Variants in RBFOX1 observed in about 807,000 individuals in gnomAD.
RBFOX1 encodes the protein RNA binding protein fox-1 homolog 1.
Under a neutral mutation model 57.7 loss-of-function variants are expected in RBFOX1, and 8 were observed. That is an observed-to-expected ratio of 0.14 (90% CI 0.08 to 0.25). RBFOX1 has a LOEUF of 0.25. Ranked by LOEUF, RBFOX1 falls within the 10% of genes least tolerant of loss-of-function variation. The pLI is 1.00. For missense variants in RBFOX1, 611 were observed against 548.5 expected, an observed-to-expected ratio of 1.11 and a Z score of -1.14; for synonymous variants, 326 against 222.4, an observed-to-expected ratio of 1.47 and a Z score of -4.15.
At chr16:6,806,188 G>C (rs910473436) in intron 3 of RBFOX1, among the ~76,000 whole-genome samples, 4 of 152,102 alleles carry the variant, frequency 2.6e-5, no homozygotes, top group Non-Finnish European at 5.9e-5. Context: ...CACAATATAA[G>C]AGAAAAATTA....
rs1204208973 is a variant in RBFOX1, at chr16:7,155,698, C to CAAAAA, written c.27+103611_27+103615dup. ...TTGCCTTCCTCCCTTCTCCTCCCAC[C>CAAAAA]AAAAAAAAAAAAAAATATATATATA... On this transcript the variant is annotated intron_variant, in intron 4 of 15. Coordinates refer to ENST00000550418, the MANE Select transcript of RBFOX1 (RefSeq NM_018723.4). 2.1e-3 allele frequency among the ~76,000 whole-genome samples: 51 copies of CAAAAA among 24,398 alleles called. 8 individuals carry two copies. The highest frequency in any genetic ancestry group is 0.015 in the African/African-American group (46 of 3,046). 16.0% of individuals were successfully genotyped at this position (24,398 alleles called of 152,430 possible).
intron 2 of RBFOX1, among the ~76,000 whole-genome samples, chr16:6,375,870 T>G (rs967888766): frequency 4.6e-5 from 7 of 152,144 alleles, no homozygotes; most frequent in Non-Finnish European, 4.4e-5. Flanking sequence ...ACTCCCTTCT[T>G]GGCCAGGACC....
intron 2 of RBFOX1, among the ~76,000 whole-genome samples, chr16:5,472,389 C>G (rs3859163): frequency 0.27 from 41,689 of 151,978 alleles, 5,941 homozygotes; most frequent in African/African-American, 0.35. Flanking sequence ...ATTATTAAAC[C>G]CATTTGCAGC....
intron 4 of RBFOX1, among the ~76,000 whole-genome samples, chr16:7,391,850 C>T (rs12446442): frequency 0.054 from 8,227 of 152,200 alleles, 262 homozygotes; most frequent in South Asian, 0.093. Flanking sequence ...CACAACCAGC[C>T]TGTCCAGACA....
chr16:6,969,184 A>C (rs2084960749), intron 3 of RBFOX1, among the ~76,000 whole-genome samples: 3 of 152,146 alleles, frequency 2.0e-5, no homozygotes, highest in Non-Finnish European at 4.4e-5. Flanking sequence ...AACTTCTCTT[A>C]ACTCCTCACT....
At chr16:7,172,751 ACAGAGGTGT>A (rs1262724042) in intron 4 of RBFOX1, among the ~76,000 whole-genome samples, 1 of 152,204 alleles carries the variant, frequency 6.6e-6, no homozygotes, top group East Asian at 1.9e-4. Flanking sequence ...GGTGGCAGAC[ACAGAGGTGT>A]CAGTCTTGGC....
intron 2 of RBFOX1, among the ~76,000 whole-genome samples, chr16:6,466,476 A>G (rs2095053088): frequency 6.6e-6 from 1 of 152,160 alleles, no homozygotes; most frequent in South Asian, 2.1e-4. Context: ...GAGGATTTAA[A>G]TAACTTGCCA....
intron 2 of RBFOX1, among the ~76,000 whole-genome samples, chr16:5,472,409 C>T (rs1357759881): frequency 6.6e-6 from 1 of 152,196 alleles, no homozygotes; most frequent in African/African-American, 2.4e-5. Flanking sequence ...CAGGGGGGAT[C>T]CTCAGGGTTA....
chr16:7,619,411 A>G (rs2058962297), intron 10 of RBFOX1, among the ~76,000 whole-genome samples: 1 of 152,194 alleles, frequency 6.6e-6, no homozygotes, highest in South Asian at 2.1e-4. Flanking sequence ...TGGCAGGCAT[A>G]GACAACTTCA....
intron 1 of RBFOX1, among the ~76,000 whole-genome samples, chr16:5,314,041 T>C (rs1242244289): frequency 6.6e-6 from 1 of 152,178 alleles, no homozygotes; most frequent in Non-Finnish European, 1.5e-5. Flanking sequence ...TAAATAATAA[T>C]AATGATCGCA....
chr16:6,417,354 T>A (rs911362537), intron 2 of RBFOX1, among the ~76,000 whole-genome samples: 1 of 151,470 alleles, frequency 6.6e-6, no homozygotes, highest in Non-Finnish European at 1.5e-5. Context: ...TCTCTACTGA[T>A]TCTATGTTTA....
At chr16:7,626,483 G>A (rs560613910) in intron 10 of RBFOX1, among the ~76,000 whole-genome samples, 4 of 152,290 alleles carry the variant, frequency 2.6e-5, no homozygotes, top group Admixed American at 2.6e-4. Flanking sequence ...CTCAGAGTGG[G>A]CGAACGTGAC....
intron 4 of RBFOX1, among the ~76,000 whole-genome samples, chr16:5,938,409 A>G (rs1597869046): frequency 6.6e-6 from 1 of 152,292 alleles, no homozygotes; most frequent in Non-Finnish European, 1.5e-5. Context: ...GCAAGTTCGA[A>G]TATTAAAATT....
rs114023342 is a variant in RBFOX1, at chr16:5,698,677, C to T, written c.318+99716C>T. Reference sequence around the variant, plus strand: ...TCTGTAGCAATACTGTTCACCAGGGCCAAAAGTTGGAAGCAACCCAAATGT... The same window carrying T: ...TCTGTAGCAATACTGTTCACCAGGGTCAAAAGTTGGAAGCAACCCAAATGT... On this transcript the variant is annotated intron_variant, in intron 3 of 19. Coordinates refer to the RBFOX1 transcript ENST00000641259. Among the ~76,000 whole-genome samples, 819 of 152,106 alleles carry T rather than the reference C, an allele frequency of 5.4e-3. 9 individuals are homozygous for T. The highest frequency in any genetic ancestry group is 0.018 in the African/African-American group (740 of 41,488).
At chr16:7,033,353 C>G (rs974365537) in intron 3 of RBFOX1, among the ~76,000 whole-genome samples, 2 of 152,132 alleles carry the variant, frequency 1.3e-5, no homozygotes, top group Non-Finnish European at 1.5e-5. Context: ...AACCCCGTCT[C>G]TACTAAAAAT....
chr16:6,456,028 AAAG>A (rs2153054886), intron 2 of RBFOX1, among the ~76,000 whole-genome samples: 1 of 54,130 alleles, frequency 1.8e-5, no homozygotes, highest in East Asian at 6.6e-4. Context: ...AATGCAAAGA[AAAG>A]AAGAAAGAAA....
chr16:5,371,108 C>T (rs544648769), intron 1 of RBFOX1, among the ~76,000 whole-genome samples: 17 of 152,240 alleles, frequency 1.1e-4, no homozygotes, highest in Middle Eastern at 3.4e-3. Context: ...CCATCACGCC[C>T]GGCTAATTTT....
chr16:7,649,410 T>A (rs2064464260), intron 11 of RBFOX1, among the ~76,000 whole-genome samples: 2 of 152,244 alleles, frequency 1.3e-5, no homozygotes, highest in African/African-American at 4.8e-5. Context: ...ATAATCAATC[T>A]GTTTCCTTAA....
intron 1 of RBFOX1, among the ~76,000 whole-genome samples, chr16:5,332,278 T>TTTA (rs1256735822): frequency 6.6e-6 from 1 of 152,118 alleles, no homozygotes; most frequent in Non-Finnish European, 1.5e-5. Context: ...TTTATTTTAT[T>TTTA]TTATGTTTTG....
Sources: allele counts gnomAD v4.1 joint callset (sites outside exome capture counted in the v4.1 genomes callset), GRCh38; gene constraint gnomAD v4.1.1; transcripts MANE v1.5; gene names NCBI Gene and HGNC (gene_info 2026-07-23, HGNC 2026-07-21).